The following IL7 variants were observed in gnomAD, a reference collection of about 807,000 sequenced individuals.
IL7 encodes interleukin 7.
A neutral mutation model predicts 21.6 loss-of-function variants in IL7; 3 were observed. The observed-to-expected ratio is 0.14, with a 90% CI of 0.06 to 0.36. IL7 has a LOEUF of 0.36. Ranked by LOEUF, IL7 falls within the 10% of genes least tolerant of loss-of-function variation. IL7 has a pLI of 1.00. For synonymous variants in IL7, 62 were observed against 68.1 expected (o/e 0.91, Z 0.44); for missense variants, 175 against 200.2 (o/e 0.87, Z 0.76).
rs143922654 is a variant in IL7, at chr8:78,678,605, C to T, written n.274-2501G>A. The T allele has an allele frequency of 2.4e-5, 38 of 1,612,062 alleles. No homozygotes were observed. Among genetic ancestry groups the T allele is most frequent in the African/African-American group, 4.0e-5 (3 of 74,824 alleles). On this transcript the variant is annotated intron_variant and non_coding_transcript_variant, in intron 4 of 4. Transcript: ENST00000523959. ...TTGCCAGAAGACTGCAACTAAAAAA[C>T]GGAAGACTTTTGATTCAAGCAGACA... is the stretch of plus-strand genomic sequence containing the variant.
intron 2 of IL7, among the ~76,000 whole-genome samples, chr8:78,755,213 T>C (rs1264964542): frequency 1.3e-5 from 2 of 152,146 alleles, no homozygotes; most frequent in Non-Finnish European, 2.9e-5. Context: ...ACCAGTGCTA[T>C]GTTGTTTTGG....
At chr8:78,735,465 A>T (rs1811558069) in intron 5 of IL7, among the ~76,000 whole-genome samples, 1 of 150,862 alleles carries the variant, frequency 6.6e-6, no homozygotes, top group Non-Finnish European at 1.5e-5. Flanking sequence ...GGCGTGCACC[A>T]CGCCCAGCTA....
chr8:78,737,725 A>G (rs980057744), intron 4 of IL7, among the ~76,000 whole-genome samples: 1 of 152,186 alleles, frequency 6.6e-6, no homozygotes, highest in African/African-American at 2.4e-5. Context: ...AGTCATAAAA[A>G]TGTTATTTAA....
intron 3 of IL7, among the ~76,000 whole-genome samples, chr8:78,711,363 G>C (rs765492712): frequency 6.6e-6 from 1 of 151,690 alleles, no homozygotes; most frequent in Non-Finnish European, 1.5e-5. Context: ...TTATAATTTT[G>C]GTCAAAATGT....
At position 78,724,789 on chromosome 8, in the gene IL7, T is replaced by G. The variant is rs532456773; in HGVS notation, n.268-3349A>C. 1.2e-4 allele frequency among the ~76,000 whole-genome samples: 18 copies of G among 152,178 alleles called. No individual in the cohort carries two copies. In the East Asian group the frequency reaches 3.5e-3, roughly 29 times the overall value. On this transcript the variant is annotated intron_variant and non_coding_transcript_variant, in intron 3 of 6. Coordinates refer to the IL7 transcript ENST00000519833. Reference sequence around the variant, plus strand: ...CATGCCGTTCCCTTTTAGTAAACACTGTCATGTTTCTCCCTCTTATATCAG... The same window carrying G: ...CATGCCGTTCCCTTTTAGTAAACACGGTCATGTTTCTCCCTCTTATATCAG...
At chr8:78,785,929 A>G (rs899310901) in intron 2 of IL7, among the ~76,000 whole-genome samples, 1 of 152,206 alleles carries the variant, frequency 6.6e-6, no homozygotes, top group Non-Finnish European at 1.5e-5. Flanking sequence ...ATGGTAGTGC[A>G]CTGAGAAGTG....
At chr8:78,798,326 G>A in intron 1 of IL7, 118 bp from the exon 2 acceptor site, 1 of 709,582 alleles carries the variant, frequency 1.4e-6, no homozygotes. Flanking sequence ...TCTTGGTTTG[G>A]AGATACTACA....
At chr8:78,703,614 C>G (rs1338984431) in intron 3 of IL7, among the ~76,000 whole-genome samples, 5 of 139,192 alleles carry the variant, frequency 3.6e-5, no homozygotes, top group African/African-American at 1.3e-4. Flanking sequence ...CTGCTTTTTT[C>G]TGTTTTCCAT....
chr8:78,726,950 C>A, intron 3 of IL7, among the ~76,000 whole-genome samples: 1 of 152,006 alleles, frequency 6.6e-6, no homozygotes, highest in East Asian at 1.9e-4. Flanking sequence ...CTCAATAGAA[C>A]TTTCATATAT....
chr8:78,716,039 C>CAA (rs753499894), downstream of IL7, among the ~76,000 whole-genome samples: 470 of 57,048 alleles, frequency 8.2e-3, 6 homozygotes, highest in African/African-American at 0.031. Context: ...GACTCCATCT[C>CAA]AAAAAAAAAA....
chr8:78,685,978 T>A (rs544859697), intron 3 of IL7: 1 of 152,524 alleles, frequency 6.6e-6, no homozygotes, highest in South Asian at 2.1e-4. Context: ...AGGGCAGGTG[T>A]GCATGTGAAA....
At chr8:78,736,573 C>T (rs994377372) in intron 4 of IL7, 46 bp from the exon 5 acceptor site, 33 of 1,242,174 alleles carry the variant, frequency 2.7e-5, no homozygotes, top group Admixed American at 7.2e-5. Context: ...TTCTTCATTG[C>T]TCCTCCAGTT....
At chr8:78,736,308 A>G (rs2130673236) in intron 5 of IL7, among the ~76,000 whole-genome samples, 166 bp downstream of exon 5, 1 of 151,946 alleles carries the variant, frequency 6.6e-6, no homozygotes, top group East Asian at 1.9e-4. Flanking sequence ...AATGCAATTT[A>G]AAGGAATCAA....
intron 3 of IL7, chr8:78,689,444 C>G: frequency 5.8e-6 from 8 of 1,381,774 alleles, no homozygotes; most frequent in Non-Finnish European, 7.7e-6. Context: ...ATTGTTTATG[C>G]TTTTCATGAC....
rs553582081 is a variant in IL7, at chr8:78,681,109, G to C, written n.273+4780C>G. Among the ~76,000 whole-genome samples, 50 of 151,812 alleles carry C rather than the reference G, an allele frequency of 3.3e-4. No homozygotes were observed. In the South Asian group the frequency reaches 0.01, roughly 30 times the overall value. ...TTTTGAAGTGGTTCTCATAGGATCT[G>C]AGGGAAGCAGGGTGTAATTACACAG... On this transcript the variant is annotated intron_variant and non_coding_transcript_variant, in intron 4 of 4. Transcript: ENST00000523959.
intron 1 of IL7, among the ~76,000 whole-genome samples, chr8:78,799,243 C>T (rs564553978): frequency 6.6e-6 from 1 of 152,248 alleles, no homozygotes; most frequent in South Asian, 2.1e-4. Flanking sequence ...AAGCAACACT[C>T]CTTCAAACCC....
At chr8:78,720,367 A>G (rs954581353) in intron 5 of IL7, among the ~76,000 whole-genome samples, 7 of 151,828 alleles carry the variant, frequency 4.6e-5, no homozygotes, top group African/African-American at 1.7e-4. Flanking sequence ...TCAAATGACT[A>G]TATTATTAAA....
chr8:78,774,485 T>C (rs1299661553), intron 2 of IL7, among the ~76,000 whole-genome samples: 1 of 152,138 alleles, frequency 6.6e-6, no homozygotes, highest in Non-Finnish European at 1.5e-5. Context: ...CAACTGTATG[T>C]TAATTAATAA....
chr8:78,729,309 GC>G (rs1400065964), downstream of IL7, among the ~76,000 whole-genome samples: 4 of 151,878 alleles, frequency 2.6e-5, no homozygotes, highest in African/African-American at 9.7e-5. Flanking sequence ...TACCTCCAGG[GC>G]CAGAACTGGC....
Sources: gnomAD v4.1 joint callset for allele counts (sites outside exome capture counted in the v4.1 genomes callset) on GRCh38, gnomAD v4.1.1 for gene constraint, MANE v1.5 for transcripts, NCBI Gene and HGNC (gene_info 2026-07-23, HGNC 2026-07-21) for gene names.